SAP130: variants seen among roughly 807,000 people sequenced by gnomAD.
SAP130 encodes histone deacetylase complex subunit SAP130.
In SAP130, 16 loss-of-function variants were observed where a neutral mutation model predicts 103.2. The observed-to-expected ratio is 0.16, with a 90% CI of 0.10 to 0.24. The LOEUF is 0.24. Ranked by LOEUF, SAP130 falls within the 10% of genes least tolerant of loss-of-function variation. The pLI, the probability that SAP130 is intolerant of heterozygous loss-of-function variation, is 1.00. For missense variants in SAP130, 990 were observed against 1,359.7 expected, an observed-to-expected ratio of 0.73 and a Z score of 4.28; for synonymous variants, 477 against 497.0, an observed-to-expected ratio of 0.96 and a Z score of 0.53.
intron 15 of SAP130, among the ~76,000 whole-genome samples, chr2:127,970,969 T>A (rs529255742): frequency 6.6e-6 from 1 of 151,852 alleles, no homozygotes; most frequent in Admixed American, 6.6e-5. Context: ...TTTTTTTTTT[T>A]AGACAGGTTC....
intron 2 of SAP130, 120 bp downstream of exon 2, chr2:128,026,061 C>T (rs1685475642): frequency 2.8e-6 from 2 of 724,982 alleles, no homozygotes; most frequent in Non-Finnish European, 4.7e-6. Flanking sequence ...TATACCCTTT[C>T]TTCAAATTCA....
At position 127,985,853 on chromosome 2, in the gene SAP130, C is replaced by T. The variant is rs1037059534; in HGVS notation, c.1958+932G>A. 2.6e-4 allele frequency among the ~76,000 whole-genome samples: 40 copies of T among 151,596 alleles called. No homozygotes were observed. The East Asian group carries it at 3.3e-3, about 13-fold the overall frequency. On this transcript the variant is annotated intron_variant, in intron 14 of 20. Coordinates refer to ENST00000643581, the MANE Select transcript of SAP130 (RefSeq NM_001330301.2). ...ACAAGTGGCTGGACGTCAAGAGGAA[C>T]GCATTGGCAAAAGACACAAGCAGCT...
In SAP130 at chr2:127,954,880, T is replaced by G. The variant is rs993849635; in HGVS notation, c.2422+106A>C. 50 of 832,992 alleles carry G rather than the reference T, an allele frequency of 6.0e-5. No homozygotes were observed. The African/African-American group carries it at 8.4e-4, about 14-fold the overall frequency. 51.6% of individuals were successfully genotyped at this position (832,992 alleles called of 1,614,324 possible). A position where few individuals can be genotyped will look rare whatever the true frequency, so the allele number is the denominator to read the frequency against. On this transcript the variant is annotated intron_variant, in intron 16 of 20. Transcript: ENST00000643581. ...GACATGCAACATCTAAAATGGGTTA[T>G]CAGGGAGTCTTGGCTGAGGGTTACA...
At chr2:127,991,908 G>A (rs185788866) in intron 12 of SAP130, among the ~76,000 whole-genome samples, 30 of 152,328 alleles carry the variant, frequency 2.0e-4, no homozygotes, top group Admixed American at 9.1e-4. Context: ...GCCGCTGGCT[G>A]CCATATAGCA....
chr2:128,007,532 A>G (rs917279546), intron 7 of SAP130, among the ~76,000 whole-genome samples: 1 of 152,218 alleles, frequency 6.6e-6, no homozygotes, highest in East Asian at 1.9e-4. Flanking sequence ...ACTTTTATAA[A>G]GTTAAAATGA....
At chr2:128,023,120 G>A (rs564166351) in intron 2 of SAP130, among the ~76,000 whole-genome samples, 2 of 151,936 alleles carry the variant, frequency 1.3e-5, no homozygotes, top group East Asian at 1.9e-4. Context: ...TCAGCCTCCC[G>A]ATTAGCCGGG....
chr2:127,963,318 C>T (rs572477599), intron 15 of SAP130, among the ~76,000 whole-genome samples: 43 of 152,190 alleles, frequency 2.8e-4, no homozygotes, highest in Non-Finnish European at 5.1e-4. Flanking sequence ...TAGCCTCGAC[C>T]TCCCAGACTC....
intron 18 of SAP130, among the ~76,000 whole-genome samples, chr2:127,945,840 A>C (rs1308128081): frequency 6.6e-6 from 1 of 152,102 alleles, no homozygotes; most frequent in East Asian, 1.9e-4. Context: ...TTTTGTAGAG[A>C]TGAGGTCTTG....
chr2:128,019,522 G>T (rs1370471990), intron 2 of SAP130, among the ~76,000 whole-genome samples: 1 of 152,092 alleles, frequency 6.6e-6, no homozygotes, highest in Non-Finnish European at 1.5e-5. Context: ...TCCCACCTCT[G>T]GCCTCCCAAA....
At chr2:128,013,189 A>G (rs763411238) in intron 5 of SAP130, 35 bp from the exon 6 acceptor site, 4 of 1,551,572 alleles carry the variant, frequency 2.6e-6, no homozygotes, top group Non-Finnish European at 3.5e-6. Flanking sequence ...TATTTATTCT[A>G]GTTATATTCC....
rs1414300771 is a variant in SAP130 at position 127,942,297 on chromosome 2, G to C, written c.3015+127C>G. 2.7e-6 allele frequency: 3 copies of C among 1,105,140 alleles called. No homozygotes were observed. The Admixed American group carries it at 6.4e-5, about 24-fold the overall frequency. The allele number at this position is 1,105,140 out of a possible 1,614,324, so 68.5% of individuals were successfully genotyped here. A position where few individuals can be genotyped will look rare whatever the true frequency, so the allele number is the denominator to read the frequency against. ...GAAAATGTCTTTTTGTTTCTCAGGAGTGCAGGCTGAAGCACGTATGTTTTT... is the reference window on the plus strand; with the variant it reads ...GAAAATGTCTTTTTGTTTCTCAGGACTGCAGGCTGAAGCACGTATGTTTTT... On this transcript the variant is annotated intron_variant, in intron 20 of 20. Transcript: ENST00000643581. The surrounding 1 kb of genome is among the most constrained non-coding windows in gnomAD (Gnocchi z 4.8).
chr2:127,947,764 C>CTGTGTGAG lies in SAP130; in HGVS notation c.2797+2104_2797+2105insCTCACACA, dbSNP rs1553500424. 8.1e-3 allele frequency among the ~76,000 whole-genome samples: 1,165 copies of CTGTGTGAG among 143,418 alleles called. 7 individuals are homozygous for CTGTGTGAG. Among genetic ancestry groups the CTGTGTGAG allele is most frequent in the African/African-American group, 0.028 (1,078 of 38,172 alleles). 94.1% of individuals were successfully genotyped at this position (143,418 alleles called of 152,430 possible). ...TGAATTAATTTTGTATTGTGTGTGT[C>CTGTGTGAG]TGTGTGTGTGTGTGTGTGTGTGTGT... On this transcript the variant is annotated intron_variant, in intron 18 of 20. Coordinates refer to ENST00000643581, the MANE Select transcript of SAP130 (RefSeq NM_001330301.2).
chr2:127,970,495 C>G (rs557037745), intron 15 of SAP130, among the ~76,000 whole-genome samples: 1 of 130,446 alleles, frequency 7.7e-6, no homozygotes, highest in African/African-American at 2.9e-5. Context: ...GAGCCGAGAT[C>G]GTACCACTGC....
chr2:127,942,303 G>T lies in SAP130; in HGVS notation c.3015+121C>A. On this transcript the variant is annotated intron_variant, in intron 20 of 20. Transcript: ENST00000643581. The surrounding 1 kb of genome is among the most constrained non-coding windows in gnomAD (Gnocchi z 4.8). ...GTCTTTTTGTTTCTCAGGAGTGCAG[G>T]CTGAAGCACGTATGTTTTTACTGAA... 2.8e-6 allele frequency: 3 copies of T among 1,080,900 alleles called. No homozygotes were observed. Among genetic ancestry groups the T allele is most frequent in the Non-Finnish European group, 4.1e-6 (3 of 724,754 alleles). The allele number at this position is 1,080,900 out of a possible 1,614,324, so 67.0% of individuals were successfully genotyped here.
intron 14 of SAP130, among the ~76,000 whole-genome samples, chr2:127,983,510 C>CA (rs1682112667): frequency 6.6e-6 from 1 of 152,114 alleles, no homozygotes; most frequent in African/African-American, 2.4e-5. Context: ...GGAAGAGAGG[C>CA]AGGGACCACT....
intron 1 of SAP130, among the ~76,000 whole-genome samples, chr2:128,026,772 A>C (rs1200233694): frequency 6.6e-6 from 1 of 152,254 alleles, no homozygotes; most frequent in Non-Finnish European, 1.5e-5. Flanking sequence ...TCCAGACCCG[A>C]TGCAAAAGGA....
At chr2:127,982,477 T>C (rs1195359167) in intron 14 of SAP130, among the ~76,000 whole-genome samples, 1 of 152,208 alleles carries the variant, frequency 6.6e-6, no homozygotes, top group Non-Finnish European at 1.5e-5. Flanking sequence ...CTGTGGAAGT[T>C]GTCTTTTGAT....
intron 1 of SAP130, 88 bp downstream of exon 1, chr2:128,027,852 C>A (rs2105281574): frequency 1.2e-6 from 1 of 847,844 alleles, no homozygotes; most frequent in Non-Finnish European, 1.4e-6. Context: ...CCCGGGGACG[C>A]GCAACGGGAC....
rs990687760 is a variant in SAP130 at position 127,965,871 on chromosome 2, TTTA to T, written c.2064-10530_2064-10528del. On this transcript the variant is annotated intron_variant, in intron 15 of 20. Coordinates refer to ENST00000643581, the MANE Select transcript of SAP130 (RefSeq NM_001330301.2). ...CTATTTCCCCTTATTATTATTTCGA[TTTA>T]TTATTATATCCTATTTATTTGTTGT... 4.0e-4 allele frequency among the ~76,000 whole-genome samples: 60 copies of T among 151,494 alleles called. 1 individual carries two copies. The highest frequency in any genetic ancestry group is 1.3e-3 in the African/African-American group (56 of 41,530).
Sources: gnomAD v4.1 joint callset for allele counts (sites outside exome capture counted in the v4.1 genomes callset) on GRCh38, gnomAD v4.1.1 for gene constraint, Gnocchi (gnomAD v3.1) non-coding constraint, MANE v1.5 for transcripts, NCBI Gene and HGNC (gene_info 2026-07-23, HGNC 2026-07-21) for gene names.